Variants in NCKAP5 observed in about 807,000 individuals in gnomAD.
NCKAP5 encodes the protein NCK associated protein 5.
In NCKAP5, 92 loss-of-function variants were observed where a neutral mutation model predicts 167.0. That is an observed-to-expected ratio of 0.55 (90% CI 0.47 to 0.66). The LOEUF (loss-of-function observed/expected upper bound fraction) is 0.66, where lower values mean the gene tolerates loss of function less well. Among genes scored for constraint, NCKAP5 ranks in the 30% least tolerant of loss-of-function variants. The pLI, the probability that NCKAP5 is intolerant of heterozygous loss-of-function variation, is 0.00. For missense variants in NCKAP5, 2,378 were observed against 2,315.0 expected (o/e 1.03, Z -0.56); for synonymous variants, 891 against 877.4 (o/e 1.02, Z -0.27).
the NCKAP5 span, among the ~76,000 whole-genome samples, chr2:133,605,563 C>G: frequency 6.6e-6 from 1 of 152,162 alleles, no homozygotes; most frequent in Non-Finnish European, 1.5e-5. Flanking sequence ...TAGCTTGAAA[C>G]CACAGTCCCT....
At chr2:133,341,481 C>G (rs1022470777) in intron 3 of NCKAP5, among the ~76,000 whole-genome samples, 3 of 152,164 alleles carry the variant, frequency 2.0e-5, no homozygotes, top group African/African-American at 7.2e-5. Flanking sequence ...ATTTTATTCA[C>G]TCCATCTTCA....
chr2:132,846,826 T>C (rs749903647), intron 11 of NCKAP5, among the ~76,000 whole-genome samples: 66 of 152,346 alleles, frequency 4.3e-4, no homozygotes, highest in Admixed American at 2.3e-3. Flanking sequence ...CAGGAATGGC[T>C]TTAGAGTCTC....
chr2:133,088,393 T>C lies in NCKAP5; in HGVS notation c.341+41585A>G, dbSNP rs763883537. On this transcript the variant is annotated intron_variant, in intron 6 of 19. Transcript: ENST00000409261. Reference sequence around the variant, plus strand: ...GTACGTGAAGTACAATAGCTCTTTCTGCACCAAACCTCTCACCCCTCTTCT... The same window carrying C: ...GTACGTGAAGTACAATAGCTCTTTCCGCACCAAACCTCTCACCCCTCTTCT... 2.4e-4 allele frequency among the ~76,000 whole-genome samples: 36 copies of C among 152,266 alleles called. No individual in the cohort carries two copies. In the Middle Eastern group the frequency reaches 0.017, roughly 72 times the overall value.
chr2:132,722,657 G>A (rs1295854343), intron 19 of NCKAP5, among the ~76,000 whole-genome samples: 1 of 151,916 alleles, frequency 6.6e-6, no homozygotes, highest in African/African-American at 2.4e-5. Flanking sequence ...TCCACTTGCA[G>A]GCTTAATGGG....
chr2:133,187,515 C>T (rs547392582), intron 5 of NCKAP5, among the ~76,000 whole-genome samples: 1 of 152,036 alleles, frequency 6.6e-6, no homozygotes, highest in South Asian at 2.1e-4. Context: ...ATTACTGCGA[C>T]CCCATATATA....
chr2:132,899,311 G>A (rs773716269), intron 8 of NCKAP5, among the ~76,000 whole-genome samples: 5 of 152,186 alleles, frequency 3.3e-5, no homozygotes, highest in Admixed American at 1.3e-4. Context: ...TTAGTACCTT[G>A]CTCTGGATTA....
chr2:133,289,726 CA>C (rs34917850), intron 4 of NCKAP5, among the ~76,000 whole-genome samples: 36 of 102,868 alleles, frequency 3.5e-4, no homozygotes, highest in Admixed American at 1.9e-3. Flanking sequence ...AACAAACAAA[CA>C]AAAAAAAACA....
At chr2:133,671,214 CAAAA>C in the NCKAP5 span, among the ~76,000 whole-genome samples, 1,189 of 53,896 alleles carry the variant, frequency 0.022, 12 homozygotes, top group African/African-American at 0.073. Context: ...GACTCCGTCT[CAAAA>C]AAAAAAAAAA....
chr2:133,610,301 A>G, the NCKAP5 span, among the ~76,000 whole-genome samples: 1 of 152,216 alleles, frequency 6.6e-6, no homozygotes, highest in Non-Finnish European at 1.5e-5. Flanking sequence ...AAGAGACAAA[A>G]GAGGCAATAA....
At chr2:133,557,921 C>A (rs1687859603) in intron 2 of NCKAP5, 1 of 152,214 alleles carries the variant, frequency 6.6e-6, no homozygotes, top group Non-Finnish European at 1.5e-5. Context: ...TGATAATTGC[C>A]TGTGTTGTGA....
intron 3 of NCKAP5, among the ~76,000 whole-genome samples, chr2:133,502,812 C>T (rs532998107): frequency 1.5e-4 from 23 of 152,328 alleles, no homozygotes; most frequent in Admixed American, 1.2e-3. Flanking sequence ...ATGAGGCGTT[C>T]AATGAACGTG....
intron 5 of NCKAP5, among the ~76,000 whole-genome samples, chr2:133,211,494 C>T (rs1255506184): frequency 1.3e-5 from 2 of 152,090 alleles, no homozygotes; most frequent in African/African-American, 2.4e-5. Flanking sequence ...CCTCCCAATA[C>T]TATGCATGTT....
chr2:132,830,813 T>C (rs1395223689), intron 11 of NCKAP5, among the ~76,000 whole-genome samples: 2 of 152,220 alleles, frequency 1.3e-5, no homozygotes, highest in East Asian at 1.9e-4. Context: ...TTAAAAACTA[T>C]ACAATATGTG....
intron 1 of NCKAP5, among the ~76,000 whole-genome samples, chr2:133,565,708 G>A (rs934232706): frequency 9.9e-5 from 15 of 152,284 alleles, no homozygotes; most frequent in African/African-American, 2.9e-4. Flanking sequence ...GAATATCCCC[G>A]TCTTCATGGT....
chr2:133,355,673 C>A (rs1390429435), intron 3 of NCKAP5, among the ~76,000 whole-genome samples: 1 of 151,970 alleles, frequency 6.6e-6, no homozygotes, highest in African/African-American at 2.4e-5. Flanking sequence ...ACCCACATAC[C>A]TGGGAAAAAT....
chr2:133,258,093 A>G (rs2061784690), intron 4 of NCKAP5, among the ~76,000 whole-genome samples: 3 of 152,186 alleles, frequency 2.0e-5, no homozygotes, highest in Admixed American at 6.5e-5. Flanking sequence ...TTTTAAGTGC[A>G]TTTTATTGAG....
At chr2:133,270,725 C>A (rs2089469487) in intron 4 of NCKAP5, among the ~76,000 whole-genome samples, 1 of 152,020 alleles carries the variant, frequency 6.6e-6, no homozygotes, top group African/African-American at 2.4e-5. Flanking sequence ...AGGGTGTAAC[C>A]TTTGTAACTT....
chr2:132,838,546 G>C lies in NCKAP5; in HGVS notation c.807+21946C>G, dbSNP rs147550170. Reference sequence around the variant, plus strand: ...ACTCGGGAGGCTGAGGAAGGAGAATGGTGTGAACCCAGCAAGCAGAGCTTG... The same window carrying C: ...ACTCGGGAGGCTGAGGAAGGAGAATCGTGTGAACCCAGCAAGCAGAGCTTG... On this transcript the variant is annotated intron_variant, in intron 11 of 19. Transcript: ENST00000409261. Among the ~76,000 whole-genome samples the C allele has an allele frequency of 3.3e-3, 502 of 152,212 alleles. 1 individual carries two copies. The highest frequency in any genetic ancestry group is 0.011 in the African/African-American group (446 of 41,540).
At chr2:132,803,673 C>T (rs1237912787) in intron 11 of NCKAP5, among the ~76,000 whole-genome samples, 2 of 152,176 alleles carry the variant, frequency 1.3e-5, no homozygotes, top group East Asian at 1.9e-4. Context: ...AGGGTGAGCA[C>T]CAGTGGGTAG....
Sources: allele counts gnomAD v4.1 joint callset (sites outside exome capture counted in the v4.1 genomes callset), GRCh38; gene constraint gnomAD v4.1.1; transcripts MANE v1.5; gene names NCBI Gene and HGNC (gene_info 2026-07-23, HGNC 2026-07-21).